The following BTBD9 variants were observed in gnomAD, a reference collection of about 807,000 sequenced individuals.
The protein encoded by BTBD9 is BTB/POZ domain-containing protein 9.
In BTBD9, 49 loss-of-function variants were observed where a neutral mutation model predicts 64.3. The observed-to-expected ratio is 0.76, with a 90% CI of 0.61 to 0.97. The LOEUF is 0.97. Ranked by LOEUF, BTBD9 falls within the 50% of genes least tolerant of loss-of-function variation. The pLI is 0.00. For synonymous variants in BTBD9, 260 were observed against 274.7 expected (o/e 0.95, Z 0.53); for missense variants, 598 against 762.1 (o/e 0.78, Z 2.53).
At chr6:38,402,922 A>T (rs948596522) in intron 6 of BTBD9, 68 of 683,108 alleles carry the variant, frequency 1.0e-4, no homozygotes, top group Non-Finnish European at 1.7e-4. Context: ...AGAAAAAAAA[A>T]TTAGCTGGAC....
rs70981527 is a variant in BTBD9, at chr6:38,190,467, TAAA to T, written c.1641+2049_1641+2051del. Among the ~76,000 whole-genome samples, 45 of 77,506 alleles carry T rather than the reference TAAA, an allele frequency of 5.8e-4. No individual in the cohort carries two copies. In the East Asian group the frequency reaches 9.3e-3, roughly 16 times the overall value. 50.8% of individuals were successfully genotyped at this position (77,506 alleles called of 152,430 possible). ...TTGGGTGACAGAGTGAAACTCTGTCTAAAAAAAAAAAAAAAAAAAAAAAGATGT... is the reference window on the plus strand; with the variant it reads ...TTGGGTGACAGAGTGAAACTCTGTCTAAAAAAAAAAAAAAAAAAAAGATGT... On this transcript the variant is annotated intron_variant, in intron 10 of 10. Transcript: ENST00000481247.
chr6:38,222,842 A>G (rs1331781448), intron 9 of BTBD9, among the ~76,000 whole-genome samples: 3 of 152,216 alleles, frequency 2.0e-5, no homozygotes, highest in African/African-American at 7.2e-5. Context: ...GTAGCCTCAC[A>G]TGTTCTTTCT....
intron 6 of BTBD9, among the ~76,000 whole-genome samples, chr6:38,526,761 G>A (rs963673917): frequency 1.3e-5 from 2 of 152,082 alleles, no homozygotes; most frequent in African/African-American, 4.8e-5. Context: ...CCTTTGTTTT[G>A]GCCAATTTCT....
intron 6 of BTBD9, among the ~76,000 whole-genome samples, chr6:38,436,457 C>A (rs1198205103): frequency 2.0e-5 from 3 of 146,944 alleles, no homozygotes; most frequent in Non-Finnish European, 4.4e-5. Flanking sequence ...CTCACTGCAA[C>A]CTCTGCCTCC....
At chr6:38,259,224 C>A (rs1332925746) in intron 8 of BTBD9, among the ~76,000 whole-genome samples, 1 of 152,214 alleles carries the variant, frequency 6.6e-6, no homozygotes. Context: ...ATCTGGTTCA[C>A]AATTTACAAC....
chr6:38,575,198 T>C (rs1256132999), intron 6 of BTBD9, among the ~76,000 whole-genome samples: 2 of 152,320 alleles, frequency 1.3e-5, no homozygotes, highest in African/African-American at 4.8e-5. Flanking sequence ...TCAAGGAATA[T>C]ATGTACATAT....
intron 6 of BTBD9, among the ~76,000 whole-genome samples, chr6:38,470,254 A>G (rs568949732): frequency 6.6e-6 from 1 of 152,212 alleles, no homozygotes; most frequent in Non-Finnish European, 1.5e-5. Flanking sequence ...GAGGACAGAA[A>G]ATAACCAAGT....
At chr6:38,558,922 C>T (rs1775147225) in intron 6 of BTBD9, among the ~76,000 whole-genome samples, 1 of 152,148 alleles carries the variant, frequency 6.6e-6, no homozygotes, top group Non-Finnish European at 1.5e-5. Context: ...GTCTCTCCTC[C>T]TCCATCGTTT....
chr6:38,487,494 T>A (rs1771500790), intron 6 of BTBD9, among the ~76,000 whole-genome samples: 1 of 151,746 alleles, frequency 6.6e-6, no homozygotes, highest in African/African-American at 2.4e-5. Context: ...GGTGGGAGGA[T>A]CACCTGAGTC....
At chr6:38,634,890 TAG>T (rs1322253524) in intron 1 of BTBD9, among the ~76,000 whole-genome samples, 1 of 152,218 alleles carries the variant, frequency 6.6e-6, no homozygotes, top group East Asian at 1.9e-4. Flanking sequence ...CTGGTAGACC[TAG>T]AGAGTCTGGA....
At chr6:38,595,828 G>C (rs1406645629) in intron 2 of BTBD9, 1 of 985,126 alleles carries the variant, frequency 1.0e-6, no homozygotes, top group South Asian at 4.7e-5. Context: ...TTAATCCAGA[G>C]AGCATCCAAC....
chr6:38,403,871 T>C (rs1019391316), intron 6 of BTBD9, among the ~76,000 whole-genome samples: 1 of 152,240 alleles, frequency 6.6e-6, no homozygotes, highest in Non-Finnish European at 1.5e-5. Context: ...ATACTGTATA[T>C]TCATACAATG....
At chr6:38,616,672 G>A (rs1299926453) in intron 1 of BTBD9, among the ~76,000 whole-genome samples, 2 of 152,100 alleles carry the variant, frequency 1.3e-5, no homozygotes, top group Non-Finnish European at 2.9e-5. Context: ...CAATCGCGGG[G>A]AGGACTGAAA....
chr6:38,279,594 G>A (rs1405369591), intron 8 of BTBD9, among the ~76,000 whole-genome samples: 1 of 152,118 alleles, frequency 6.6e-6, no homozygotes, highest in Non-Finnish European at 1.5e-5. Flanking sequence ...GCCCTCATGA[G>A]AATAGCTGCA....
At chr6:38,307,423 AT>A (rs1442066223) in intron 7 of BTBD9, among the ~76,000 whole-genome samples, 1 of 152,248 alleles carries the variant, frequency 6.6e-6, no homozygotes, top group Non-Finnish European at 1.5e-5. Flanking sequence ...CATGGGTTAT[AT>A]ATAGCATACA....
chr6:38,541,343 T>C (rs1774259233), intron 6 of BTBD9, among the ~76,000 whole-genome samples: 1 of 152,106 alleles, frequency 6.6e-6, no homozygotes, highest in African/African-American at 2.4e-5. Context: ...ACTCAAAATA[T>C]TTGAGGAAAG....
intron 6 of BTBD9, among the ~76,000 whole-genome samples, chr6:38,418,173 G>A (rs1767757823): frequency 6.6e-6 from 1 of 152,164 alleles, no homozygotes; most frequent in Non-Finnish European, 1.5e-5. Context: ...AAAAGCATTG[G>A]TATGAGATGA....
intron 6 of BTBD9, among the ~76,000 whole-genome samples, chr6:38,563,880 C>G (rs187642888): frequency 2.0e-5 from 3 of 151,600 alleles, no homozygotes; most frequent in Non-Finnish European, 4.4e-5. Flanking sequence ...CTCCCGGTTC[C>G]ATGCCATTAT....
intron 6 of BTBD9, among the ~76,000 whole-genome samples, chr6:38,408,877 G>A (rs1767284842): frequency 6.6e-6 from 1 of 152,176 alleles, no homozygotes; most frequent in African/African-American, 2.4e-5. Flanking sequence ...CCCAAAGGAA[G>A]TATCCAAAGG....
Sources: gnomAD v4.1 joint callset for allele counts (sites outside exome capture counted in the v4.1 genomes callset) on GRCh38, gnomAD v4.1.1 for gene constraint, MANE v1.5 for transcripts, NCBI Gene and HGNC (gene_info 2026-07-23, HGNC 2026-07-21) for gene names.